GSN: variants seen among roughly 807,000 people sequenced by gnomAD.
The protein encoded by GSN is gelsolin, also known as actin-depolymerizing factor.
GSN carries 56 observed loss-of-function variants against 85.7 expected under a neutral mutation model. That is an observed-to-expected ratio of 0.65 (90% CI 0.53 to 0.82). The LOEUF (loss-of-function observed/expected upper bound fraction) is 0.82. Ranked by LOEUF, GSN falls within the 40% of genes least tolerant of loss-of-function variation. GSN has a pLI of 0.00. For missense variants in GSN, 857 were observed against 979.8 expected (o/e 0.87, Z 1.67); for synonymous variants, 373 against 399.1 (o/e 0.93, Z 0.78).
At chr9:121,328,613 G>A (rs1442237368) in intron 14 of GSN, among the ~76,000 whole-genome samples, 1 of 152,136 alleles carries the variant, frequency 6.6e-6, no homozygotes, top group Non-Finnish European at 1.5e-5. Context: ...TAGCTGAGTG[G>A]AGCTAATGGT....
chr9:121,325,009 C>T (rs947776557), intron 12 of GSN, among the ~76,000 whole-genome samples: 5 of 152,122 alleles, frequency 3.3e-5, no homozygotes, highest in Admixed American at 6.5e-5. Flanking sequence ...TGGCTGAGCA[C>T]GGATGTGGAA....
At position 121,275,036 on chromosome 9, in the gene GSN, G is replaced by A. The variant is rs776724731; in HGVS notation, c.-102-6434G>A. On this transcript the variant is annotated intron_variant, in intron 1 of 17. Coordinates refer to ENST00000432226, the MANE Select transcript of GSN (RefSeq NM_198252.3). ...TAGTCCTTATTCCTACCAGCCATCCGTGAGAATGGCAGCATTCTTCAGGAG... is the reference window on the plus strand; with the variant it reads ...TAGTCCTTATTCCTACCAGCCATCCATGAGAATGGCAGCATTCTTCAGGAG... Among the ~76,000 whole-genome samples the A allele has an allele frequency of 1.4e-4, 21 of 152,338 alleles. No individual in the cohort carries two copies. The Middle Eastern group carries it at 0.01, about 74-fold the overall frequency.
chr9:121,247,784 A>T (rs954579647), intron 5 of GSN, among the ~76,000 whole-genome samples: 1 of 152,146 alleles, frequency 6.6e-6, no homozygotes, highest in Non-Finnish European at 1.5e-5. Context: ...TGGGATCCTA[A>T]TGAACCCCAA....
At chr9:121,302,876 G>C (rs1453093840) in intron 3 of GSN, 35 bp from the exon 4 acceptor site, 2 of 1,611,376 alleles carry the variant, frequency 1.2e-6, no homozygotes, top group African/African-American at 1.3e-5. Context: ...GATACTTCTG[G>C]AAAGCCAGGC....
At chr9:121,204,573 A>G (rs1323830228), upstream of GSN, among the ~76,000 whole-genome samples, 6 of 152,246 alleles carry the variant, frequency 3.9e-5, no homozygotes, top group African/African-American at 1.4e-4. Flanking sequence ...CAGTTGCAGC[A>G]TAATTAAGAG....
Position 121,261,320 on chromosome 9 carries a change from C to T in GSN, c.-340-3834C>T, listed in dbSNP as rs558692310. ...GGCCCCTGTGCCCCTCCACAGGAAA[C>T]GTCTTGATTTTGCTCCAACAGTGTC... is the stretch of plus-strand genomic sequence containing the variant. On this transcript the variant is annotated intron_variant, in intron 6 of 24. Coordinates refer to the GSN transcript ENST00000373823. The surrounding 1 kb of genome is among the most constrained non-coding windows in gnomAD (Gnocchi z 4.1). 4.6e-5 allele frequency among the ~76,000 whole-genome samples: 7 copies of T among 152,366 alleles called. No individual in the cohort carries two copies. The East Asian group carries it at 9.6e-4, about 21-fold the overall frequency.
At position 121,299,389 on chromosome 9, in the gene GSN, T is replaced by C. The variant is rs2059536081; in HGVS notation, c.-9-2574T>C. ...CATTTACAAGCTGTGTGCAAGTTGC[T>C]TCACCACTCTGCGCTGTTCCCCCCT... On this transcript the variant is annotated intron_variant, in intron 2 of 17. Coordinates refer to ENST00000432226, the MANE Select transcript of GSN (RefSeq NM_198252.3). The surrounding 1 kb of genome is among the most constrained non-coding windows in gnomAD (Gnocchi z 4.2). 1 of 973,920 alleles carries C rather than the reference T, an allele frequency of 1.0e-6. No individual in the cohort carries two copies. Among genetic ancestry groups the C allele is most frequent in the Admixed American group, 6.2e-5 (1 of 16,260 alleles). The allele number at this position is 973,920 out of a possible 1,614,324, so 60.3% of individuals were successfully genotyped here. A position where few individuals can be genotyped will look rare whatever the true frequency, so the allele number is the denominator to read the frequency against.
At chr9:121,222,127 G>A (rs1393320014) in intron 4 of GSN, 1 of 152,064 alleles carries the variant, frequency 6.6e-6, no homozygotes, top group Non-Finnish European at 1.5e-5. Flanking sequence ...CAGATGCCCA[G>A]TATACAAATG....
chr9:121,256,693 C>T (rs1423998814), intron 6 of GSN, among the ~76,000 whole-genome samples: 4 of 151,894 alleles, frequency 2.6e-5, no homozygotes, highest in Non-Finnish European at 4.4e-5. Context: ...GTCTGGCCAA[C>T]GTGGTGAAAC....
At chr9:121,223,906 G>A (rs192113951) in intron 4 of GSN, among the ~76,000 whole-genome samples, 4 of 151,956 alleles carry the variant, frequency 2.6e-5, no homozygotes, top group African/African-American at 7.3e-5. Context: ...TAATCCACCC[G>A]CCTCGGCCTC....
chr9:121,285,895 TC>T (rs1564423519), intron 2 of GSN, among the ~76,000 whole-genome samples: 1 of 152,174 alleles, frequency 6.6e-6, no homozygotes, highest in Admixed American at 6.5e-5. Context: ...GGCAGGTTCT[TC>T]CCCCCAAAAT....
upstream of GSN, among the ~76,000 whole-genome samples, chr9:121,206,522 A>G (rs201771744): frequency 6.6e-6 from 1 of 152,140 alleles, no homozygotes; most frequent in East Asian, 1.9e-4. Flanking sequence ...TCATCTCCCC[A>G]TACACCTTAT....
intron 5 of GSN, among the ~76,000 whole-genome samples, chr9:121,236,180 CT>C (rs2054488413): frequency 6.6e-6 from 1 of 151,666 alleles, no homozygotes; most frequent in Non-Finnish European, 1.5e-5. Flanking sequence ...TCTTTTTTTT[CT>C]TTTTCCATTA....
intron 4 of GSN, among the ~76,000 whole-genome samples, chr9:121,213,355 C>T (rs544655846): frequency 5.5e-4 from 84 of 152,256 alleles, no homozygotes; most frequent in Non-Finnish European, 1.1e-3. Flanking sequence ...GGTATCAAAA[C>T]GACAAATCCA....
chr9:121,313,713 G>A, intron 6 of GSN: 2 of 605,084 alleles, frequency 3.3e-6, no homozygotes, highest in Non-Finnish European at 3.0e-6. Flanking sequence ...GAGCAGGAGT[G>A]TTCTCCTGGA....
intron 5 of GSN, among the ~76,000 whole-genome samples, chr9:121,234,035 T>C (rs1000863586): frequency 6.6e-6 from 1 of 152,206 alleles, no homozygotes; most frequent in Non-Finnish European, 1.5e-5. Context: ...CTTTATGCTT[T>C]TTTTATGCAA....
At chr9:121,210,667 T>C (rs552732718) in intron 3 of GSN, 2 of 152,338 alleles carry the variant, frequency 1.3e-5, no homozygotes, top group East Asian at 1.9e-4. Context: ...CCGACATGCA[T>C]GTGGTTTGGC....
intron 4 of GSN, among the ~76,000 whole-genome samples, chr9:121,305,187 C>A (rs557203131): frequency 2.0e-5 from 3 of 152,234 alleles, no homozygotes; most frequent in African/African-American, 7.2e-5. Context: ...ATGATAATAA[C>A]CCTTACCGTG....
intron 4 of GSN, among the ~76,000 whole-genome samples, chr9:121,308,094 C>T (rs533421688): frequency 2.0e-4 from 30 of 152,332 alleles, no homozygotes; most frequent in Non-Finnish European, 2.4e-4. Flanking sequence ...GAGCAGAAGT[C>T]ACAGTCTTAC....
Sources: gnomAD v4.1 joint callset for allele counts (sites outside exome capture counted in the v4.1 genomes callset) on GRCh38, gnomAD v4.1.1 for gene constraint, Gnocchi (gnomAD v3.1) non-coding constraint, MANE v1.5 for transcripts, NCBI Gene and HGNC (gene_info 2026-07-23, HGNC 2026-07-21) for gene names.